The following OR52A5 variants were observed in gnomAD, a reference collection of about 807,000 sequenced individuals.
OR52A5 encodes the protein olfactory receptor 52A5.
In OR52A5, 16 loss-of-function variants were observed where a neutral mutation model predicts 18.2. The observed-to-expected ratio is 0.88, with a 90% CI of 0.60 to 1.34. The LOEUF (loss-of-function observed/expected upper bound fraction) is 1.34, where lower values mean the gene tolerates loss of function less well. OR52A5 is among the 40% of genes most tolerant of loss of function. OR52A5 has a pLI of 0.00. For missense variants in OR52A5, 418 were observed against 383.0 expected, an observed-to-expected ratio of 1.09 and a Z score of -0.76; for synonymous variants, 140 against 137.2, an observed-to-expected ratio of 1.02 and a Z score of -0.14.
chr11:5,132,290 A>T lies in OR52A5; in HGVS notation c.353T>A (p.Leu118Gln). Residue 118 changes from leucine to glutamine, a missense_variant, in exon 2 of 2, where the codon CTG (leucine) becomes CAG (glutamine). Transcript: ENST00000307388. The part of the protein sequence containing the change: ...SFQAIESGIL[L>Q]AMALDRYVAI... ...CACATAGCGATCCAGGGCCATTGCC[A>T]GAAGGATACCCGATTCAATTGCCTG... The T allele has an allele frequency of 6.2e-7, 1 of 1,614,238 alleles. No individual in the cohort carries two copies. The highest frequency in any genetic ancestry group is 8.5e-7 in the Non-Finnish European group (1 of 1,180,032).
At chr11:5,135,154 G>A (rs183056791) in intron 1 of OR52A5, among the ~76,000 whole-genome samples, 21 of 152,202 alleles carry the variant, frequency 1.4e-4, no homozygotes, top group East Asian at 1.4e-3. Flanking sequence ...GATTACAGGC[G>A]GGAGCCACCA....
At position 5,133,477 on chromosome 11, in the gene OR52A5, GT is replaced by G. The variant is rs199734661; in HGVS notation, c.-60-776del. On this transcript the variant is annotated intron_variant, in intron 1 of 1. Transcript: ENST00000307388. ...TCTTTAGTTTTGAAATCCACTGGCT[GT>G]TTTTTTTTTTTTTCCAGGTTAGGTT... Among the ~76,000 whole-genome samples, 202 of 138,840 alleles carry G rather than the reference GT, an allele frequency of 1.5e-3. 1 individual carries two copies. Among genetic ancestry groups the G allele is most frequent in the Middle Eastern group, 7.6e-3 (2 of 264 alleles). The allele number at this position is 138,840 out of a possible 152,430, so 91.1% of individuals were successfully genotyped here. A position where few individuals can be genotyped will look rare whatever the true frequency, so the allele number is the denominator to read the frequency against.
rs1846337387 is a variant in OR52A5, at chr11:5,131,582, AT to A, written c.*109del. ...TACTAAAAAGTGAGACATAGCTAGAATTACAGGTATGTGTTGAGCTAGTAGT... is the reference window on the plus strand; with the variant it reads ...TACTAAAAAGTGAGACATAGCTAGAATACAGGTATGTGTTGAGCTAGTAGT... On this transcript the variant is annotated 3_prime_UTR_variant, in exon 2 of 2. Transcript: ENST00000307388. 1 of 593,294 alleles carries A rather than the reference AT, an allele frequency of 1.7e-6. No homozygotes were observed. The highest frequency in any genetic ancestry group is 1.9e-5 in the African/African-American group (1 of 53,976). 36.8% of individuals were successfully genotyped at this position (593,294 alleles called of 1,614,324 possible). A position where few individuals can be genotyped will look rare whatever the true frequency, so the allele number is the denominator to read the frequency against.
chr11:5,133,363 CAA>C lies in OR52A5; in HGVS notation c.-60-663_-60-662del, dbSNP rs745895019. Among the ~76,000 whole-genome samples, 485 of 62,362 alleles carry C rather than the reference CAA, an allele frequency of 7.8e-3. 2 individuals carry two copies. The highest frequency in any genetic ancestry group is 0.03 in the African/African-American group (447 of 15,136). The allele number at this position is 62,362 out of a possible 152,430, so 40.9% of individuals were successfully genotyped here. A position where few individuals can be genotyped will look rare whatever the true frequency, so the allele number is the denominator to read the frequency against. On this transcript the variant is annotated intron_variant, in intron 1 of 1. Coordinates refer to ENST00000307388, the MANE Select transcript of OR52A5 (RefSeq NM_001005160.3). Reference sequence around the variant, plus strand: ...AGCCTGGACGACAGAGCGAGACTGTCAAAAAAAAAAAAAAAAAAAAAAAAGAA... The same window carrying C: ...AGCCTGGACGACAGAGCGAGACTGTCAAAAAAAAAAAAAAAAAAAAAAGAA...
At chr11:5,136,315 A>G (rs192743760) in intron 1 of OR52A5, among the ~76,000 whole-genome samples, 1 of 152,072 alleles carries the variant, frequency 6.6e-6, no homozygotes, top group African/African-American at 2.4e-5. Flanking sequence ...TCCACCTTCC[A>G]TTAGGCCTAA....
chr11:5,136,202 A>G (rs1329854011), intron 1 of OR52A5, among the ~76,000 whole-genome samples: 2 of 152,268 alleles, frequency 1.3e-5, no homozygotes, highest in African/African-American at 4.8e-5. Context: ...TGAATAAAAA[A>G]GAAAAGCAAG....
At chr11:5,133,105 C>G (rs530624658) in intron 1 of OR52A5, among the ~76,000 whole-genome samples, 6 of 152,024 alleles carry the variant, frequency 3.9e-5, no homozygotes, top group Non-Finnish European at 7.4e-5. Flanking sequence ...CACAGTGGCT[C>G]ACGCCTGTAA....
chr11:5,132,728 T>C (rs1846354255), intron 1 of OR52A5, 26 bp from the exon 2 acceptor site: 8 of 816,822 alleles, frequency 9.8e-6, no homozygotes, highest in African/African-American at 1.7e-5. Context: ...ATTAAAAATA[T>C]GTTAATTTAT....
rs141121656 is a variant in OR52A5, at chr11:5,135,317, A to G, written c.-60-2615T>C. The stretch of plus-strand genomic sequence containing the variant: ...AGATTCTGATGGACATTACTCCCCA[A>G]TCACTTTAATTTATCACATAGGTAT... On this transcript the variant is annotated intron_variant, in intron 1 of 1. Transcript: ENST00000307388. Among the ~76,000 whole-genome samples the G allele has an allele frequency of 2.0e-5, 3 of 152,322 alleles. No homozygotes were observed. The South Asian group carries it at 6.2e-4, about 32-fold the overall frequency.
rs1846388579 is a variant in OR52A5, at chr11:5,135,882, T to C, written c.-61+2429A>G. Among the ~76,000 whole-genome samples, 3 of 152,178 alleles carry C rather than the reference T, an allele frequency of 2.0e-5. No homozygotes were observed. In the South Asian group the frequency reaches 6.2e-4, roughly 32 times the overall value. On this transcript the variant is annotated intron_variant, in intron 1 of 1. Transcript: ENST00000307388. Reference sequence around the variant, plus strand: ...TTGGGCACATGTTCTCAGGACCTCCTGAGCACTGCGTCCCAGGCCATGGTC... The same window carrying C: ...TTGGGCACATGTTCTCAGGACCTCCCGAGCACTGCGTCCCAGGCCATGGTC...
intron 1 of OR52A5, among the ~76,000 whole-genome samples, chr11:5,135,653 T>C (rs1251216485): frequency 1.3e-5 from 2 of 152,230 alleles, no homozygotes; most frequent in African/African-American, 2.4e-5. Flanking sequence ...AGGCTTCATC[T>C]GCATGATAAA....
At chr11:5,133,360 T>C (rs1589860791) in intron 1 of OR52A5, among the ~76,000 whole-genome samples, 3 of 89,624 alleles carry the variant, frequency 3.3e-5, no homozygotes, top group African/African-American at 1.4e-4. Context: ...AGAGCGAGAC[T>C]GTCAAAAAAA....
At position 5,132,081 on chromosome 11, in the gene OR52A5, C is replaced by T. The variant is rs775730015; in HGVS notation, c.562G>A (p.Val188Met). The T allele has an allele frequency of 3.3e-5, 54 of 1,614,068 alleles. No homozygotes were observed. Among genetic ancestry groups the T allele is most frequent in the Non-Finnish European group, 4.4e-5 (52 of 1,180,034 alleles). Residue 188 changes from valine to methionine, a missense_variant, in exon 2 of 2, where the codon GTG becomes ATG. Transcript: ENST00000307388. ...SHSYCEHMAIVKLATEDIRVN... is the reference protein window; with the variant it reads ...SHSYCEHMAIMKLATEDIRVN... ...CGGATATCTTCAGTAGCCAGCTTCA[C>T]GATGGCCATGTGCTCACAGTAAGAG...
rs1246023599 is a variant in OR52A5, at chr11:5,131,684, A to G, written c.*8T>C. 2 of 1,568,542 alleles carry G rather than the reference A, an allele frequency of 1.3e-6. No homozygotes were observed. The highest frequency in any genetic ancestry group is 1.8e-6 in the Non-Finnish European group (2 of 1,142,588). ...CCAACCCTAAATCTCTATAGGAGTC[A>G]CTAACGATCAAGTTACTTTTTTGAA... is the stretch of plus-strand genomic sequence containing the variant. On this transcript the variant is annotated 3_prime_UTR_variant, in exon 2 of 2. Coordinates refer to ENST00000307388, the MANE Select transcript of OR52A5 (RefSeq NM_001005160.3).
In OR52A5 at chr11:5,132,183, C is replaced by T. The variant is rs1846345231; in HGVS notation, c.460G>A (p.Ala154Thr). 1 of 1,613,888 alleles carries T rather than the reference C, an allele frequency of 6.2e-7. No homozygotes were observed. Among genetic ancestry groups the T allele is most frequent in the Non-Finnish European group, 8.5e-7 (1 of 1,180,002 alleles). The change falls in exon 2 of 2, where the codon GCT (alanine) becomes ACT (threonine). Residue 154 changes from alanine to threonine, a missense_variant. Ala to Thr is a moderately conservative substitution (Grantham distance 58). Coordinates refer to ENST00000307388, the MANE Select transcript of OR52A5 (RefSeq NM_001005160.3). ...THIGLGVTLR[A>T]AILIIPSLGL... ...AAGGAAGGTATTATAAGAATGGCAG[C>T]CCTGAGTGTCACCCCAAGTCCAATA...
chr11:5,136,728 C>T (rs545687885), intron 1 of OR52A5, among the ~76,000 whole-genome samples: 1 of 152,108 alleles, frequency 6.6e-6, no homozygotes, highest in East Asian at 1.9e-4. Flanking sequence ...TCTTTAAAGA[C>T]AAAATAGTTT....
In OR52A5 at chr11:5,132,507, G is replaced by C; in HGVS notation, c.136C>G (p.Leu46Val). The C allele has an allele frequency of 6.2e-7, 1 of 1,614,028 alleles. No individual in the cohort carries two copies. The highest frequency in any genetic ancestry group is 8.5e-7 in the Non-Finnish European group (1 of 1,179,964). Residue 46 changes from leucine (L) to valine (V), a missense_variant, in exon 2 of 2, where the codon CTA becomes GTA. Physicochemically the swap from Leu to Val is conservative, Grantham distance 32 (BLOSUM62 1). Coordinates refer to ENST00000307388, the MANE Select transcript of OR52A5 (RefSeq NM_001005160.3). ...MYLIGVIGNS[L>V]ILVIIKYENS... Reference sequence around the variant, plus strand: ...TCATATTTGATTATAACTAAAATTAGGGAATTTCCAATCACACCAATAAGA... The same window carrying C: ...TCATATTTGATTATAACTAAAATTACGGAATTTCCAATCACACCAATAAGA...
At chr11:5,133,884 T>C (rs1227074973) in intron 1 of OR52A5, among the ~76,000 whole-genome samples, 1 of 152,162 alleles carries the variant, frequency 6.6e-6, no homozygotes, top group African/African-American at 2.4e-5. Context: ...ACTTTATATA[T>C]CTATACATCT....
chr11:5,129,940 T>C lies in OR52A5; in HGVS notation c.*1752A>G, dbSNP rs1846319709. The stretch of plus-strand genomic sequence containing the variant: ...TATTATGCACTGTAATTGTTCTTTT[T>C]ATTAATTACAGGTTTAAATGGCTTG... On this transcript the variant is annotated 3_prime_UTR_variant, in exon 2 of 2. Transcript: ENST00000307388. 1 of 152,208 alleles carries C rather than the reference T, an allele frequency of 6.6e-6. No homozygotes were observed. The highest frequency in any genetic ancestry group is 2.4e-5 in the African/African-American group (1 of 41,456). The allele number at this position is 152,208 out of a possible 1,614,324, so 9.4% of individuals were successfully genotyped here. A position where few individuals can be genotyped will look rare whatever the true frequency, so the allele number is the denominator to read the frequency against.
Sources: allele counts gnomAD v4.1 joint callset (sites outside exome capture counted in the v4.1 genomes callset), GRCh38; gene constraint gnomAD v4.1.1; transcripts MANE v1.5; gene names NCBI Gene and HGNC (gene_info 2026-07-23, HGNC 2026-07-21).